Variants in SART1 observed in about 807,000 individuals in gnomAD.
SART1 encodes spliceosome associated factor 1, recruiter of U4/U6.U5 tri-snRNP.
Under a neutral mutation model 105.0 loss-of-function variants are expected in SART1, and 28 were observed. The observed-to-expected ratio is 0.27, with a 90% CI of 0.20 to 0.37. The LOEUF is 0.37. Ranked by LOEUF, SART1 falls within the 10% of genes least tolerant of loss-of-function variation. SART1 has a pLI of 1.00. For missense variants in SART1, 894 were observed against 1,106.5 expected (o/e 0.81, Z 2.72); for synonymous variants, 472 against 462.9 (o/e 1.02, Z -0.25).
Position 65,965,964 on chromosome 11 carries a change from G to A in SART1, c.816G>A (p.Met272Ile). 1 of 1,614,046 alleles carries A rather than the reference G, an allele frequency of 6.2e-7. No individual in the cohort carries two copies. Among genetic ancestry groups the A allele is most frequent in the South Asian group, 1.1e-5 (1 of 91,076 alleles). Residue 272 changes from methionine (M) to isoleucine (I), a missense_variant, in exon 7 of 20, where the codon ATG (methionine) becomes ATA (isoleucine). Coordinates refer to ENST00000312397, the MANE Select transcript of SART1 (RefSeq NM_005146.5). ...AIDSFREGETMILTLKDKGVL... is the reference protein window; with the variant it reads ...AIDSFREGETIILTLKDKGVL... ...ATTCCTTCCGAGAAGGGGAGACAAT[G>A]ATTCTTACCCTCAAGGACAAAGGTA...
rs749551396 is a variant in SART1, at chr11:65,978,722, G to C, written c.2262+33G>C. 1 of 1,613,640 alleles carries C rather than the reference G, an allele frequency of 6.2e-7. No individual in the cohort carries two copies. The highest frequency in any genetic ancestry group is 1.1e-5 in the South Asian group (1 of 91,070). On this transcript the variant is annotated intron_variant, in intron 18 of 19. Transcript: ENST00000312397. The surrounding 1 kb of genome is among the most constrained non-coding windows in gnomAD (Gnocchi z 6.8). ...CCCTTGGGGATGTGGGGGGCCCTGT[G>C]CCTGCCGGGGCAGGGGTGGCTGGTG...
Position 65,967,664 on chromosome 11 carries a change from CTG to C in SART1, c.1430-11_1430-10del, listed in dbSNP as rs1311262243. ...AGGAGATGGTCTGAGCAGGCATCCC[CTG>C]TGTTTCCCCCAGAGGAAGGTGGAGC... is the stretch of plus-strand genomic sequence containing the variant. On this transcript the variant is annotated splice_polypyrimidine_tract_variant and intron_variant, in intron 11 of 19. Coordinates refer to ENST00000312397, the MANE Select transcript of SART1 (RefSeq NM_005146.5). 6 of 1,580,734 alleles carry C rather than the reference CTG, an allele frequency of 3.8e-6. No homozygotes were observed. Among genetic ancestry groups the C allele is most frequent in the African/African-American group, 1.3e-5 (1 of 74,604 alleles).
At chr11:65,972,329 A>G (rs888564032) in intron 12 of SART1, among the ~76,000 whole-genome samples, 1 of 152,146 alleles carries the variant, frequency 6.6e-6, no homozygotes, top group African/African-American at 2.4e-5. Flanking sequence ...GTCGCTCGTC[A>G]GTGCAGCGAG....
At chr11:65,966,707 G>A (rs1855267179) in intron 9 of SART1, 151 bp downstream of exon 9, 1 of 895,844 alleles carries the variant, frequency 1.1e-6, no homozygotes, top group Non-Finnish European at 1.6e-6. Context: ...AACCGGGGGA[G>A]GCACCAGGTG....
rs371147069 is a variant in SART1 at position 65,965,687 on chromosome 11, C to T, written c.661-15C>T. On this transcript the variant is annotated splice_polypyrimidine_tract_variant and intron_variant, in intron 5 of 19. Coordinates refer to ENST00000312397, the MANE Select transcript of SART1 (RefSeq NM_005146.5). ...AGTGGCCTGAAGTCCTAGGTCACCC[C>T]TCCCTGTCCCGTAGGCCAAGTTACT... The T allele has an allele frequency of 3.7e-6, 6 of 1,611,826 alleles. No homozygotes were observed. In the African/African-American group the frequency reaches 6.7e-5, roughly 18 times the overall value.
chr11:65,964,818 C>T (rs1590632991), intron 3 of SART1, among the ~76,000 whole-genome samples: 1 of 152,346 alleles, frequency 6.6e-6, no homozygotes, highest in East Asian at 1.9e-4. Context: ...GGAAGATGTG[C>T]ACACTTGCTG....
At chr11:65,977,250 A>G in intron 15 of SART1, 149 bp downstream of exon 15, 1 of 644,168 alleles carries the variant, frequency 1.6e-6, no homozygotes, top group South Asian at 1.8e-5. Flanking sequence ...CTTCCCCTCC[A>G]CTGTGGCATC....
Position 65,976,995 on chromosome 11 carries a change from C to G in SART1, c.1858-19C>G, listed in dbSNP as rs1479220478. The G allele has an allele frequency of 6.2e-7, 1 of 1,606,498 alleles. No homozygotes were observed. Among genetic ancestry groups the G allele is most frequent in the Admixed American group, 1.7e-5 (1 of 59,998 alleles). On this transcript the variant is annotated intron_variant, in intron 14 of 19. Transcript: ENST00000312397. This position sits in a 1 kb window ranked among gnomAD's most constrained non-coding sequence, Gnocchi z 5.1. ...GAGCCGGTATGGCCTGCTAACCACC[C>G]CCGCCACGTGTCCCGTAGTTCTCTG...
At chr11:65,977,485 G>A (rs909034068) in intron 15 of SART1, 78 bp from the exon 16 acceptor site, 1 of 1,225,604 alleles carries the variant, frequency 8.2e-7, no homozygotes, top group Non-Finnish European at 1.2e-6. Flanking sequence ...CCCCCACAGG[G>A]CCTGCTCTGC....
intron 12 of SART1, 97 bp downstream of exon 12, chr11:65,967,918 CT>C: frequency 2.4e-6 from 2 of 828,998 alleles, no homozygotes; most frequent in Non-Finnish European, 3.5e-6. Context: ...TCTGAAGCCT[CT>C]TTTCCATTTG....
chr11:65,966,397 G>A lies in SART1; in HGVS notation c.1029G>A (p.Gly343=), dbSNP rs762449338. The A allele has an allele frequency of 3.7e-6, 6 of 1,613,960 alleles. No individual in the cohort carries two copies. Among genetic ancestry groups the A allele is most frequent in the East Asian group, 2.2e-5 (1 of 44,880 alleles). Residue 343 remains glycine (G), a synonymous_variant, in exon 9 of 20, where the codon GGG becomes GGA. Transcript: ENST00000312397. The part of the protein sequence containing the change: ...ILSKYDEELE[G]ERPHSFRLEQ... Reference sequence around the variant, plus strand: ...CCAAGTATGACGAAGAGCTTGAAGGGGAGCGGCCACATTCCTTCCGCTTGG... The same window carrying A: ...CCAAGTATGACGAAGAGCTTGAAGGAGAGCGGCCACATTCCTTCCGCTTGG...
chr11:65,977,737 A>T (rs1375777720), intron 16 of SART1, 27 bp from the exon 17 acceptor site: 3 of 1,613,814 alleles, frequency 1.9e-6, no homozygotes, highest in Non-Finnish European at 2.5e-6. Flanking sequence ...AGCTCCTCAC[A>T]CTAAGGCCTC....
Position 65,965,078 on chromosome 11 carries a change from G to T in SART1, c.428-14G>T, listed in dbSNP as rs778721384. On this transcript the variant is annotated splice_polypyrimidine_tract_variant and intron_variant, in intron 3 of 19. Coordinates refer to ENST00000312397, the MANE Select transcript of SART1 (RefSeq NM_005146.5). ...ATGGGCGGGCATAGCCTCACGTCTG[G>T]GCCCCCCTTCCAGAGGCGGGCACCA... The T allele has an allele frequency of 6.4e-7, 1 of 1,566,242 alleles. No individual in the cohort carries two copies. Among genetic ancestry groups the T allele is most frequent in the Non-Finnish European group, 8.6e-7 (1 of 1,161,034 alleles).
At chr11:65,970,217 T>C (rs188830907) in intron 12 of SART1, among the ~76,000 whole-genome samples, 32 of 152,210 alleles carry the variant, frequency 2.1e-4, no homozygotes, top group South Asian at 2.1e-4. Context: ...CTTAACGACT[T>C]CAGTAGGCAT....
intron 2 of SART1, 71 bp downstream of exon 2, chr11:65,964,202 G>T (rs971422705): frequency 1.5e-6 from 2 of 1,295,894 alleles, no homozygotes; most frequent in Non-Finnish European, 2.2e-6. Flanking sequence ...CACGGGGGAG[G>T]CTTTCTCACA....
chr11:65,964,209 C>T (rs890459183), intron 2 of SART1, 78 bp downstream of exon 2: 2 of 1,207,544 alleles, frequency 1.7e-6, no homozygotes, highest in Admixed American at 1.8e-5. Context: ...GAGGCTTTCT[C>T]ACATGAAAGT....
At chr11:65,972,371 G>GA (rs1480490136) in intron 12 of SART1, among the ~76,000 whole-genome samples, 1 of 152,010 alleles carries the variant, frequency 6.6e-6, no homozygotes, top group Admixed American at 6.6e-5. Flanking sequence ...TCTATTTGGG[G>GA]AAAAAATGAA....
chr11:65,978,538 G>A lies in SART1; in HGVS notation c.2173-62G>A. ...CCGCCCTGTTATTATACACCTTGTGGGCACAGGTGGCTCCGGCCCCACCCA... is the reference window on the plus strand; with the variant it reads ...CCGCCCTGTTATTATACACCTTGTGAGCACAGGTGGCTCCGGCCCCACCCA... On this transcript the variant is annotated intron_variant, in intron 17 of 19. Transcript: ENST00000312397. The surrounding 1 kb of genome is among the most constrained non-coding windows in gnomAD (Gnocchi z 6.8). 1 of 1,487,738 alleles carries A rather than the reference G, an allele frequency of 6.7e-7. No homozygotes were observed. The highest frequency in any genetic ancestry group is 9.2e-7 in the Non-Finnish European group (1 of 1,090,852). The allele number at this position is 1,487,738 out of a possible 1,614,324, so 92.2% of individuals were successfully genotyped here.
chr11:65,977,248 C>G (rs1855502119), intron 15 of SART1, 147 bp downstream of exon 15: 2 of 646,822 alleles, frequency 3.1e-6, no homozygotes. Flanking sequence ...TCCTTCCCCT[C>G]CACTGTGGCA....
Sources: gnomAD v4.1 joint callset for allele counts (sites outside exome capture counted in the v4.1 genomes callset) on GRCh38, gnomAD v4.1.1 for gene constraint, Gnocchi (gnomAD v3.1) non-coding constraint, MANE v1.5 for transcripts, NCBI Gene and HGNC (gene_info 2026-07-23, HGNC 2026-07-21) for gene names.